The following NOX4 variants were observed in gnomAD, a reference collection of about 807,000 sequenced individuals.
NOX4 encodes the protein kidney oxidase-1.
NOX4 carries 69 observed loss-of-function variants against 87.6 expected under a neutral mutation model. That is an observed-to-expected ratio of 0.79 (90% confidence interval 0.65 to 0.96). NOX4 has a LOEUF of 0.96. Among genes scored for constraint, NOX4 ranks in the 40% least tolerant of loss-of-function variants. NOX4 has a pLI of 0.00. For synonymous variants in NOX4, 275 were observed against 238.2 expected (o/e 1.15, Z -1.42); for missense variants, 680 against 681.5 (o/e 1.00, Z 0.02).
intron 11 of NOX4, among the ~76,000 whole-genome samples, chr11:89,391,285 A>G (rs2135135776): frequency 6.6e-6 from 1 of 152,292 alleles, no homozygotes; most frequent in Middle Eastern, 3.4e-3. Context: ...AGGGTCAGTG[A>G]AGGCTCCTCA....
chr11:89,538,497 T>C, the NOX4 span, among the ~76,000 whole-genome samples: 3 of 152,202 alleles, frequency 2.0e-5, no homozygotes, highest in African/African-American at 7.2e-5. Flanking sequence ...GGAGGCAACA[T>C]GTTAACAGCT....
At chr11:89,353,396 G>C (rs766299900) in intron 13 of NOX4, among the ~76,000 whole-genome samples, 8 of 152,082 alleles carry the variant, frequency 5.3e-5, no homozygotes, top group Non-Finnish European at 1.2e-4. Flanking sequence ...TCAACATCGA[G>C]GAAAGATCCT....
chr11:89,518,963 A>G, the NOX4 span, among the ~76,000 whole-genome samples: 1 of 152,216 alleles, frequency 6.6e-6, no homozygotes, highest in Non-Finnish European at 1.5e-5. Flanking sequence ...GGTAAAGAAT[A>G]TTTTGTAGTC....
intron 11 of NOX4, among the ~76,000 whole-genome samples, chr11:89,395,142 C>T (rs759291258): frequency 1.3e-5 from 2 of 152,162 alleles, no homozygotes; most frequent in Non-Finnish European, 2.9e-5. Flanking sequence ...ATTCCTATTT[C>T]TCCACATCCT....
chr11:89,490,839 T>C, intron 1 of NOX4: 1 of 699,232 alleles, frequency 1.4e-6, no homozygotes, highest in Non-Finnish European at 2.6e-6. Flanking sequence ...AAGAAATTAA[T>C]GACATCACCA....
chr11:89,330,027 G>A (rs570066120), intron 17 of NOX4, among the ~76,000 whole-genome samples: 1 of 152,090 alleles, frequency 6.6e-6, no homozygotes, highest in Non-Finnish European at 1.5e-5. Context: ...TATGCTAGAT[G>A]TCTAAAACAA....
rs1245148358 is a variant in NOX4, at chr11:89,325,677, A to G, written c.*1079T>C. 6.6e-6 allele frequency: 1 copy of G among 152,070 alleles called. No individual in the cohort carries two copies. The highest frequency in any genetic ancestry group is 2.4e-5 in the African/African-American group (1 of 41,414). The allele number at this position is 152,070 out of a possible 1,614,324, so 9.4% of individuals were successfully genotyped here. ...GTTCAGGAATATGACTAGACTTTCA[A>G]TGTCTCCATCATAAACCAATGTGTG... On this transcript the variant is annotated 3_prime_UTR_variant, in exon 18 of 18. Coordinates refer to ENST00000263317, the MANE Select transcript of NOX4 (RefSeq NM_016931.5).
chr11:89,451,742 G>C (rs1190566379), intron 3 of NOX4, 43 bp downstream of exon 3: 1 of 1,343,746 alleles, frequency 7.4e-7, no homozygotes, highest in African/African-American at 1.4e-5. Flanking sequence ...TGTTACACTT[G>C]ATTTTTATGC....
intron 11 of NOX4, among the ~76,000 whole-genome samples, chr11:89,398,769 G>C (rs1025180598): frequency 4.0e-5 from 6 of 151,530 alleles, no homozygotes; most frequent in African/African-American, 9.7e-5. Flanking sequence ...ATCTTTCTTA[G>C]AAAATGAATA....
At chr11:89,494,892 T>A (rs1946931907), upstream of NOX4, among the ~76,000 whole-genome samples, 1 of 152,194 alleles carries the variant, frequency 6.6e-6, no homozygotes, top group African/African-American at 2.4e-5. Context: ...ATGTCAGAAG[T>A]CTGAAATCAG....
the NOX4 span, among the ~76,000 whole-genome samples, chr11:89,554,757 G>C: frequency 6.6e-6 from 1 of 151,972 alleles, no homozygotes; most frequent in African/African-American, 2.4e-5. Context: ...CGGTAGAAAG[G>C]CTTTTACAGA....
chr11:89,488,849 T>A (rs1946733186), intron 2 of NOX4: 2 of 600,486 alleles, frequency 3.3e-6, no homozygotes, highest in South Asian at 4.2e-5. Flanking sequence ...ACCTCATGTG[T>A]TTATTAGAAG....
the NOX4 span, among the ~76,000 whole-genome samples, chr11:89,542,499 A>G: frequency 2.0e-5 from 3 of 152,210 alleles, no homozygotes; most frequent in Non-Finnish European, 4.4e-5. Context: ...TTGTGAGCCA[A>G]TATGCATTCT....
intron 2 of NOX4, among the ~76,000 whole-genome samples, chr11:89,465,026 C>A (rs1945614934): frequency 6.6e-6 from 1 of 152,192 alleles, no homozygotes; most frequent in East Asian, 1.9e-4. Context: ...TTCTGGGCTA[C>A]ATGTGCAGAA....
At chr11:89,501,087 T>C (rs1304050007), upstream of NOX4, among the ~76,000 whole-genome samples, 1 of 152,090 alleles carries the variant, frequency 6.6e-6, no homozygotes, top group Non-Finnish European at 1.5e-5. Flanking sequence ...AACAGGATTT[T>C]TTTTAATGTC....
chr11:89,543,775 T>C, the NOX4 span, among the ~76,000 whole-genome samples: 1 of 152,080 alleles, frequency 6.6e-6, no homozygotes, highest in Non-Finnish European at 1.5e-5. Flanking sequence ...ATTGTCATTG[T>C]GGAAAGTAAA....
chr11:89,405,080 T>TGTGTGTGTGTGTGTGTGTGTG (rs1942092507), intron 8 of NOX4, among the ~76,000 whole-genome samples: 1 of 133,190 alleles, frequency 7.5e-6, no homozygotes, highest in African/African-American at 2.8e-5. Context: ...AAAAGTCAGA[T>TGTGTGTGTGTGTGTGTGTGTG]TGTGTGTGTG....
intron 2 of NOX4, among the ~76,000 whole-genome samples, chr11:89,486,484 G>GTA (rs1946605160): frequency 6.8e-6 from 1 of 146,992 alleles, no homozygotes; most frequent in African/African-American, 2.5e-5. Flanking sequence ...GTGTGTGTGT[G>GTA]TGTTTGTGTG....
chr11:89,432,052 G>A (rs1591227871), intron 7 of NOX4, among the ~76,000 whole-genome samples: 1 of 152,062 alleles, frequency 6.6e-6, no homozygotes, highest in Non-Finnish European at 1.5e-5. Flanking sequence ...TCCTTTTTAG[G>A]GACATGGATG....
Sources: allele counts gnomAD v4.1 joint callset (sites outside exome capture counted in the v4.1 genomes callset), GRCh38; gene constraint gnomAD v4.1.1; transcripts MANE v1.5; gene names NCBI Gene and HGNC (gene_info 2026-07-23, HGNC 2026-07-21).